Variants in CREB5 observed in about 807,000 individuals in gnomAD.
CREB5 encodes cAMP responsive element binding protein 5.
Under a neutral mutation model 57.1 loss-of-function variants are expected in CREB5, and 19 were observed. The ratio of observed to expected loss-of-function variants is 0.33; its 90% CI spans 0.23 to 0.49. The LOEUF is 0.49. Ranked by LOEUF, CREB5 falls within the 20% of genes least tolerant of loss-of-function variation. The probability of loss-of-function intolerance (pLI) is 0.99; values close to 1 mark genes in which losing one functional copy is unlikely to be tolerated. For missense variants in CREB5, 579 were observed against 671.6 expected (o/e 0.86, Z 1.52); for synonymous variants, 238 against 238.3 (o/e 1.00, Z 0.01).
At chr7:28,435,324 T>C (rs1788910591) in intron 1 of CREB5, among the ~76,000 whole-genome samples, 1 of 152,022 alleles carries the variant, frequency 6.6e-6, no homozygotes, top group African/African-American at 2.4e-5. Context: ...GCAAGGTTGT[T>C]TTATATCCAG....
intron 5 of CREB5, among the ~76,000 whole-genome samples, chr7:28,631,556 G>A (rs541062132): frequency 7.9e-5 from 12 of 152,110 alleles, no homozygotes; most frequent in Middle Eastern, 3.4e-3. Context: ...TGCCTTTTTC[G>A]GAGGGGGCGG....
At chr7:28,457,899 A>G (rs1790179478) in intron 1 of CREB5, among the ~76,000 whole-genome samples, 2 of 152,064 alleles carry the variant, frequency 1.3e-5, no homozygotes, top group Non-Finnish European at 2.9e-5. Flanking sequence ...CAACATGAGG[A>G]GGTGGGGTGT....
chr7:28,387,427 T>G (rs192221465), intron 1 of CREB5, among the ~76,000 whole-genome samples: 78 of 150,746 alleles, frequency 5.2e-4, no homozygotes, highest in African/African-American at 1.8e-3. Context: ...GGGTTGTTTG[T>G]TTTTTTTTCT....
intron 7 of CREB5, among the ~76,000 whole-genome samples, chr7:28,796,993 G>A (rs977916413): frequency 8.5e-5 from 13 of 152,154 alleles, no homozygotes; most frequent in Admixed American, 2.6e-4. Context: ...CAGGGAAGTG[G>A]TATCTGCAAT....
At chr7:28,773,459 T>A (rs1229144951) in intron 7 of CREB5, among the ~76,000 whole-genome samples, 8 of 152,160 alleles carry the variant, frequency 5.3e-5, no homozygotes, top group African/African-American at 1.9e-4. Flanking sequence ...ATAAATAGTA[T>A]ATTACAGCAG....
rs116830214 is a variant in CREB5, at chr7:28,505,626, G to T, written c.170-1990G>T. On this transcript the variant is annotated intron_variant, in intron 3 of 10. Transcript: ENST00000357727. ...AGCCCTTTGGATCAGGGAGGGCAAA[G>T]CATTGAATTTAGATCAAAAAGGGAT... Among the ~76,000 whole-genome samples, 304 of 152,298 alleles carry T rather than the reference G, an allele frequency of 2.0e-3. 3 individuals are homozygous for T. Among genetic ancestry groups the T allele is most frequent in the African/African-American group, 7.1e-3 (295 of 41,570 alleles).
At chr7:28,377,325 A>C (rs1786852773) in intron 1 of CREB5, among the ~76,000 whole-genome samples, 2 of 152,162 alleles carry the variant, frequency 1.3e-5, no homozygotes, top group African/African-American at 4.8e-5. Flanking sequence ...CTCAGTATGA[A>C]AAAACTTTAT....
intron 1 of CREB5, among the ~76,000 whole-genome samples, chr7:28,454,131 T>C (rs533950792): frequency 2.0e-5 from 3 of 152,058 alleles, no homozygotes; most frequent in Non-Finnish European, 4.4e-5. Context: ...TTTTTTGTAT[T>C]TTTAGAAGAG....
At chr7:28,794,041 C>T (rs1452891027) in intron 7 of CREB5, among the ~76,000 whole-genome samples, 2 of 152,134 alleles carry the variant, frequency 1.3e-5, no homozygotes, top group African/African-American at 2.4e-5. Flanking sequence ...CAATTAAAAT[C>T]CCAAAGTTAA....
chr7:28,473,302 A>G (rs567590523), intron 1 of CREB5, among the ~76,000 whole-genome samples: 2 of 152,314 alleles, frequency 1.3e-5, no homozygotes, highest in South Asian at 2.1e-4. Flanking sequence ...AGCCTGGGCA[A>G]CAGAGCAAAA....
chr7:28,570,342 T>A, intron 4 of CREB5, 23 bp from the exon 5 acceptor site: 1 of 1,600,650 alleles, frequency 6.2e-7, no homozygotes, highest in Non-Finnish European at 8.5e-7. Flanking sequence ...TCCTGACCTT[T>A]CCCCTGTGTC....
At chr7:28,587,328 G>A (rs527425612) in intron 5 of CREB5, among the ~76,000 whole-genome samples, 64 of 152,236 alleles carry the variant, frequency 4.2e-4, no homozygotes, top group African/African-American at 1.3e-3. Context: ...GAAATCCACC[G>A]ATGCAGGGAT....
intron 1 of CREB5, among the ~76,000 whole-genome samples, chr7:28,423,978 C>T (rs1458144849): frequency 1.3e-5 from 2 of 152,154 alleles, no homozygotes; most frequent in African/African-American, 4.8e-5. Context: ...TATTCTCTCA[C>T]AGTTCTGGAG....
At chr7:28,303,689 C>A (rs1785139651) in intron 1 of CREB5, among the ~76,000 whole-genome samples, 1 of 152,098 alleles carries the variant, frequency 6.6e-6, no homozygotes, top group Non-Finnish European at 1.5e-5. Flanking sequence ...AGTTTTGCCT[C>A]CCTGTGGCCA....
At chr7:28,459,764 A>G (rs1046273142) in intron 1 of CREB5, among the ~76,000 whole-genome samples, 9 of 152,160 alleles carry the variant, frequency 5.9e-5, no homozygotes, top group Non-Finnish European at 8.8e-5. Flanking sequence ...TGGCTCTGTC[A>G]TGTTGCCCTT....
intron 4 of CREB5, among the ~76,000 whole-genome samples, chr7:28,554,573 T>C (rs758475401): frequency 9.9e-5 from 15 of 152,232 alleles, no homozygotes; most frequent in Admixed American, 6.5e-5. Flanking sequence ...TTCTTTTCAT[T>C]TTCCTAAGTT....
At chr7:28,537,695 C>T (rs552606241) in intron 4 of CREB5, among the ~76,000 whole-genome samples, 18 of 152,226 alleles carry the variant, frequency 1.2e-4, no homozygotes, top group South Asian at 2.1e-4. Context: ...AATTCATAAC[C>T]GATTTGTTCA....
chr7:28,719,991 C>T (rs1365523503), intron 6 of CREB5, among the ~76,000 whole-genome samples: 1 of 152,142 alleles, frequency 6.6e-6, no homozygotes, highest in East Asian at 1.9e-4. Context: ...ACCCGGGAGG[C>T]GGAGGTTACA....
intron 7 of CREB5, among the ~76,000 whole-genome samples, chr7:28,763,940 C>T (rs996290551): frequency 7.9e-5 from 12 of 152,008 alleles, no homozygotes; most frequent in Non-Finnish European, 1.0e-4. Flanking sequence ...GCTAGGACTA[C>T]AGGTGTGCAC....
Sources: allele counts gnomAD v4.1 joint callset (sites outside exome capture counted in the v4.1 genomes callset), GRCh38; gene constraint gnomAD v4.1.1; transcripts MANE v1.5; gene names NCBI Gene and HGNC (gene_info 2026-07-23, HGNC 2026-07-21).